The following KALRN variants were observed in gnomAD, a reference collection of about 807,000 sequenced individuals.
The protein encoded by KALRN is kalirin.
In KALRN, 70 loss-of-function variants were observed where a neutral mutation model predicts 353.7. That is an observed-to-expected ratio of 0.20 (90% CI 0.16 to 0.24). The LOEUF (loss-of-function observed/expected upper bound fraction) is 0.24. Among genes scored for constraint, KALRN ranks in the 10% least tolerant of loss-of-function variants. The probability of loss-of-function intolerance (pLI) is 1.00; values close to 1 mark genes in which losing one functional copy is unlikely to be tolerated. For missense variants in KALRN, 2,791 were observed against 3,756.7 expected (o/e 0.74, Z 6.72); for synonymous variants, 1,391 against 1,434.8 (o/e 0.97, Z 0.69).
intron 1 of KALRN, among the ~76,000 whole-genome samples, chr3:124,099,589 G>T (rs1029898892): frequency 3.3e-5 from 5 of 152,158 alleles, no homozygotes; most frequent in Non-Finnish European, 7.4e-5. Flanking sequence ...TAGTGGGATT[G>T]CTGGATTGTA....
intron 1 of KALRN, among the ~76,000 whole-genome samples, chr3:124,096,845 A>G (rs2061482580): frequency 6.6e-6 from 1 of 152,248 alleles, no homozygotes; most frequent in African/African-American, 2.4e-5. Context: ...TGGAAATGTC[A>G]GGTTAATGAA....
At chr3:124,125,497 A>G (rs898240932) in intron 1 of KALRN, among the ~76,000 whole-genome samples, 3 of 152,134 alleles carry the variant, frequency 2.0e-5, no homozygotes, top group Admixed American at 6.5e-5. Flanking sequence ...GGTGACCTTG[A>G]GCTGTCACAC....
chr3:124,473,191 A>G (rs1300222764), intron 25 of KALRN, among the ~76,000 whole-genome samples: 1 of 152,218 alleles, frequency 6.6e-6, no homozygotes, highest in Non-Finnish European at 1.5e-5. Context: ...TGAAATCCAT[A>G]ACCACTTGTA....
At chr3:124,614,241 CTTAT>C (rs10666219) in intron 34 of KALRN, among the ~76,000 whole-genome samples, 63,332 of 142,632 alleles carry the variant, frequency 0.44, 14,260 homozygotes, top group South Asian at 0.55. Flanking sequence ...TTCTAAAATT[CTTAT>C]TTATTTATTT....
chr3:124,545,563 G>C (rs1425145388), intron 33 of KALRN, among the ~76,000 whole-genome samples: 1 of 152,148 alleles, frequency 6.6e-6, no homozygotes, highest in Non-Finnish European at 1.5e-5. Context: ...AGAGCCCAGG[G>C]GTGAGGGACC....
At chr3:124,133,478 A>C (rs1484713765) in intron 1 of KALRN, among the ~76,000 whole-genome samples, 1 of 152,210 alleles carries the variant, frequency 6.6e-6, no homozygotes, top group Non-Finnish European at 1.5e-5. Flanking sequence ...AGAGCCCCGG[A>C]GGTAGCTAAC....
chr3:124,061,870 C>A (rs571957654), intron 1 of KALRN, among the ~76,000 whole-genome samples: 39 of 152,240 alleles, frequency 2.6e-4, no homozygotes, highest in African/African-American at 8.2e-4. Context: ...CAGGAGTAGA[C>A]CACATTCTAT....
intron 2 of KALRN, among the ~76,000 whole-genome samples, chr3:124,234,374 C>T (rs565299917): frequency 1.3e-5 from 2 of 152,252 alleles, no homozygotes; most frequent in Admixed American, 1.3e-4. Flanking sequence ...TAGTAGTCAG[C>T]TCATCACAAG....
intron 33 of KALRN, among the ~76,000 whole-genome samples, chr3:124,512,023 A>G (rs1402524444): frequency 6.6e-6 from 1 of 152,242 alleles, no homozygotes; most frequent in Non-Finnish European, 1.5e-5. Context: ...CTGAGGTAGA[A>G]GTAGCTTTTC....
chr3:124,258,330 C>T (rs1377031104), intron 3 of KALRN, among the ~76,000 whole-genome samples: 1 of 152,204 alleles, frequency 6.6e-6, no homozygotes, highest in East Asian at 1.9e-4. Flanking sequence ...AGACCGTGGC[C>T]TCTTGGTTGC....
At chr3:124,134,251 G>A (rs567035421) in intron 1 of KALRN, among the ~76,000 whole-genome samples, 2 of 152,248 alleles carry the variant, frequency 1.3e-5, no homozygotes, top group Non-Finnish European at 2.9e-5. Flanking sequence ...ACTGATCTTT[G>A]ACAAAGCAAA....
intron 51 of KALRN, among the ~76,000 whole-genome samples, chr3:124,688,799 G>A (rs2061677527): frequency 6.6e-6 from 1 of 152,184 alleles, no homozygotes; most frequent in Admixed American, 6.5e-5. Flanking sequence ...GTCAGACATT[G>A]GCTGACAAGG....
intron 27 of KALRN, 135 bp downstream of exon 27, chr3:124,477,469 G>GA (rs3214749): frequency 0.015 from 10,010 of 672,658 alleles, 432 homozygotes; most frequent in East Asian, 0.09. Context: ...CTTAAGCATG[G>GA]AAAAAAAGCA....
At chr3:124,162,556 C>CAA (rs1318595877) in intron 1 of KALRN, 1 of 152,212 alleles carries the variant, frequency 6.6e-6, no homozygotes, top group Non-Finnish European at 1.5e-5. Flanking sequence ...GAGGCAAAGT[C>CAA]AAAACACCTG....
In KALRN at chr3:124,564,160, G is replaced by A. The variant is rs183080445; in HGVS notation, c.5182+1071G>A. On this transcript the variant is annotated intron_variant, in intron 34 of 59. Coordinates refer to ENST00000682506, the MANE Select transcript of KALRN (RefSeq NM_001388419.1). ...GCGGAGCTTGCAGTGAGTCGAGATC[G>A]CGCCACCGCACTCCAGCCTGGGCGA... Among the ~76,000 whole-genome samples, 940 of 144,798 alleles carry A rather than the reference G, an allele frequency of 6.5e-3. 7 individuals carry two copies. The highest frequency in any genetic ancestry group is 0.023 in the African/African-American group (887 of 38,738). The allele number at this position is 144,798 out of a possible 152,430, so 95.0% of individuals were successfully genotyped here.
At chr3:124,440,992 C>T (rs1204155658) in intron 18 of KALRN, among the ~76,000 whole-genome samples, 2 of 151,976 alleles carry the variant, frequency 1.3e-5, no homozygotes, top group African/African-American at 4.8e-5. Flanking sequence ...CTCTGCCACC[C>T]ACAGCTAATA....
At chr3:124,697,079 C>G (rs1238159037) in intron 54 of KALRN, among the ~76,000 whole-genome samples, 1 of 152,110 alleles carries the variant, frequency 6.6e-6, no homozygotes, top group Non-Finnish European at 1.5e-5. Context: ...GCCACCATGC[C>G]CAGCTCATTT....
At chr3:124,620,294 G>A (rs1344595622) in intron 34 of KALRN, among the ~76,000 whole-genome samples, 1 of 152,104 alleles carries the variant, frequency 6.6e-6, no homozygotes, top group Non-Finnish European at 1.5e-5. Context: ...TAGTAGAGAT[G>A]AGGTCTCGCT....
At chr3:124,718,003 G>T (rs1386402040) in intron 59 of KALRN, among the ~76,000 whole-genome samples, 1 of 151,586 alleles carries the variant, frequency 6.6e-6, no homozygotes, top group African/African-American at 2.4e-5. Flanking sequence ...GTAGAGACAG[G>T]GTTTCATCAT....
Sources: allele counts gnomAD v4.1 joint callset (sites outside exome capture counted in the v4.1 genomes callset), GRCh38; gene constraint gnomAD v4.1.1; transcripts MANE v1.5; gene names NCBI Gene and HGNC (gene_info 2026-07-23, HGNC 2026-07-21).